CNTNAP4: variants seen among roughly 807,000 people sequenced by gnomAD.
The protein encoded by CNTNAP4 is contactin-associated protein-like 4.
A neutral mutation model predicts 148.4 loss-of-function variants in CNTNAP4; 98 were observed. The ratio of observed to expected loss-of-function variants is 0.66; its 90% CI spans 0.56 to 0.78. CNTNAP4 has a LOEUF of 0.78. Among genes scored for constraint, CNTNAP4 ranks in the 30% least tolerant of loss-of-function variants. CNTNAP4 has a pLI of 0.00. For synonymous variants in CNTNAP4, 730 were observed against 565.1 expected, an observed-to-expected ratio of 1.29 and a Z score of -4.14; for missense variants, 1,935 against 1,565.6, an observed-to-expected ratio of 1.24 and a Z score of -3.98.
At chr16:76,434,556 C>T (rs1321654558) in intron 4 of CNTNAP4, among the ~76,000 whole-genome samples, 2 of 152,182 alleles carry the variant, frequency 1.3e-5, no homozygotes, top group Non-Finnish European at 2.9e-5. Context: ...TCTGCAGAGG[C>T]CAAATGGGAG....
chr16:76,375,776 T>C (rs2144662756), intron 3 of CNTNAP4, among the ~76,000 whole-genome samples: 1 of 152,272 alleles, frequency 6.6e-6, no homozygotes, highest in Non-Finnish European at 1.5e-5. Context: ...CCTTCTGTTG[T>C]GTGAGCCAAG....
At chr16:76,491,507 C>T (rs1370180591) in intron 13 of CNTNAP4, among the ~76,000 whole-genome samples, 1 of 152,190 alleles carries the variant, frequency 6.6e-6, no homozygotes, top group Non-Finnish European at 1.5e-5. Context: ...GGCATGAGCC[C>T]CCCTCATTTC....
chr16:76,515,721 C>T (rs572881253), intron 15 of CNTNAP4, among the ~76,000 whole-genome samples: 1 of 152,114 alleles, frequency 6.6e-6, no homozygotes, highest in South Asian at 2.1e-4. Flanking sequence ...AAATGATACC[C>T]AGCATCATCA....
chr16:76,497,511 A>G (rs916758424), intron 14 of CNTNAP4, among the ~76,000 whole-genome samples: 13 of 152,348 alleles, frequency 8.5e-5, no homozygotes, highest in African/African-American at 3.1e-4. Context: ...TATGGGGGGC[A>G]GCCATAAAAA....
At chr16:76,440,771 T>C (rs2080005841) in intron 4 of CNTNAP4, among the ~76,000 whole-genome samples, 2 of 152,176 alleles carry the variant, frequency 1.3e-5, no homozygotes, top group South Asian at 2.1e-4. Flanking sequence ...TTCTTTTCCA[T>C]TGGTTCCAAT....
At chr16:76,495,254 T>C (rs1008955423) in intron 14 of CNTNAP4, 188 bp downstream of exon 14, 1 of 478,634 alleles carries the variant, frequency 2.1e-6, no homozygotes, top group Non-Finnish European at 3.6e-6. Context: ...TTTTGAGTTA[T>C]TTTCTGTAAT....
chr16:76,529,711 G>A (rs1050710302), intron 17 of CNTNAP4, among the ~76,000 whole-genome samples: 1 of 152,160 alleles, frequency 6.6e-6, no homozygotes, highest in African/African-American at 2.4e-5. Flanking sequence ...AACTTGCTTT[G>A]CATTTGAATT....
At chr16:76,398,100 G>A (rs1444872239) in intron 3 of CNTNAP4, among the ~76,000 whole-genome samples, 1 of 149,316 alleles carries the variant, frequency 6.7e-6, no homozygotes, top group African/African-American at 2.5e-5. Flanking sequence ...GAAGAACCTG[G>A]AGTCCAATGT....
chr16:76,537,629 A>G (rs1258127233), intron 18 of CNTNAP4, among the ~76,000 whole-genome samples: 1 of 152,126 alleles, frequency 6.6e-6, no homozygotes, highest in Non-Finnish European at 1.5e-5. Context: ...CACAATAACT[A>G]TGAGAAAATG....
At chr16:76,382,820 C>T (rs904668230) in intron 3 of CNTNAP4, among the ~76,000 whole-genome samples, 1 of 152,026 alleles carries the variant, frequency 6.6e-6, no homozygotes, top group Non-Finnish European at 1.5e-5. Flanking sequence ...ACTGAGCCAT[C>T]AAATATACAA....
intron 4 of CNTNAP4, among the ~76,000 whole-genome samples, chr16:76,430,095 A>G (rs1237373679): frequency 6.6e-6 from 1 of 152,192 alleles, no homozygotes. Flanking sequence ...TTATACCTCA[A>G]TTACACCATA....
intron 13 of CNTNAP4, among the ~76,000 whole-genome samples, chr16:76,492,835 A>G (rs906714650): frequency 2.0e-5 from 3 of 152,182 alleles, no homozygotes; most frequent in Admixed American, 6.5e-5. Flanking sequence ...TCTTTTCTTT[A>G]TAAATTACCC....
At chr16:76,495,931 G>T (rs2082385375) in intron 14 of CNTNAP4, among the ~76,000 whole-genome samples, 1 of 151,916 alleles carries the variant, frequency 6.6e-6, no homozygotes, top group Admixed American at 6.6e-5. Flanking sequence ...ATTTAGTTAG[G>T]AAACATCAAC....
chr16:76,489,918 A>T, intron 13 of CNTNAP4, 35 bp downstream of exon 13: 1 of 1,385,102 alleles, frequency 7.2e-7, no homozygotes, highest in East Asian at 2.5e-5. Context: ...TGTTGCACAC[A>T]TCACATCATG....
Position 76,452,782 on chromosome 16 carries a change from T to A in CNTNAP4, c.1333+13T>A, listed in dbSNP as rs1267256890. ...GACATCACAGCAGGTAATAAATGTA[T>A]TCCCTGGGGCAAAGCATATGGATTT... On this transcript the variant is annotated intron_variant, in intron 8 of 23. Transcript: ENST00000611870. 1.9e-6 allele frequency: 3 copies of A among 1,542,950 alleles called. No homozygotes were observed. The highest frequency in any genetic ancestry group is 2.6e-6 in the Non-Finnish European group (3 of 1,145,350).
chr16:76,548,558 C>G (rs1407486378), intron 21 of CNTNAP4, among the ~76,000 whole-genome samples: 2 of 151,938 alleles, frequency 1.3e-5, no homozygotes, highest in Non-Finnish European at 2.9e-5. Flanking sequence ...TCTCGGTACT[C>G]CATTTTTCTT....
intron 14 of CNTNAP4, 110 bp downstream of exon 14, chr16:76,495,176 TTAAA>T (rs1405911330): frequency 2.1e-5 from 24 of 1,166,374 alleles, no homozygotes. Flanking sequence ...AATGAAGTAA[TTAAA>T]TAAAGGTTTG....
chr16:76,380,050 TA>T (rs1297957038), intron 3 of CNTNAP4, among the ~76,000 whole-genome samples: 3 of 152,224 alleles, frequency 2.0e-5, no homozygotes, highest in African/African-American at 4.8e-5. Context: ...ATGTTGTGAA[TA>T]TTTTTTGAGA....
chr16:76,448,058 A>G lies in CNTNAP4; in HGVS notation c.585A>G (p.Arg195=). ...ATGGAAAAAGTTCCCTTCTCTACAG[A>G]TTTGATCAAAAATCCCTGAGCCCAA... ...DLDGKSSLLY[R]FDQKSLSPIK... Residue 195 remains arginine (R), a synonymous_variant, in exon 5 of 24, where the codon AGA becomes AGG. Transcript: ENST00000611870. 3.7e-6 allele frequency: 6 copies of G among 1,613,802 alleles called. No individual in the cohort carries two copies. Among genetic ancestry groups the G allele is most frequent in the Non-Finnish European group, 5.1e-6 (6 of 1,179,766 alleles).
Sources: gnomAD v4.1 joint callset for allele counts (sites outside exome capture counted in the v4.1 genomes callset) on GRCh38, gnomAD v4.1.1 for gene constraint, MANE v1.5 for transcripts, NCBI Gene and HGNC (gene_info 2026-07-23, HGNC 2026-07-21) for gene names.